CELF4: variants seen among roughly 807,000 people sequenced by gnomAD.
CELF4 encodes CUGBP Elav-like family member 4.
In CELF4, 18 loss-of-function variants were observed where a neutral mutation model predicts 59.9. That is an observed-to-expected ratio of 0.30 (90% confidence interval 0.21 to 0.45). CELF4 has a LOEUF of 0.45. Ranked by LOEUF, CELF4 falls within the 20% of genes least tolerant of loss-of-function variation. The pLI, the probability that CELF4 is intolerant of heterozygous loss-of-function variation, is 1.00. For synonymous variants in CELF4, 261 were observed against 267.1 expected (o/e 0.98, Z 0.22); for missense variants, 456 against 689.0 (o/e 0.66, Z 3.79).
chr18:37,547,972 T>A (rs933513840), intron 1 of CELF4, among the ~76,000 whole-genome samples: 1 of 152,042 alleles, frequency 6.6e-6, no homozygotes, highest in Non-Finnish European at 1.5e-5. Flanking sequence ...CATTTTTGAG[T>A]GTGTGTGTGT....
rs2061936815 is a variant in CELF4 at position 37,245,974 on chromosome 18, C to T, written c.*45-777G>A. ...TAATTATCAAACTTAAATAAATTAACTCAGACAGTGCTTGATTTTGTTTTG... is the reference window on the plus strand; with the variant it reads ...TAATTATCAAACTTAAATAAATTAATTCAGACAGTGCTTGATTTTGTTTTG... On this transcript the variant is annotated intron_variant, in intron 12 of 12. Transcript: ENST00000420428. This position sits in a 1 kb window ranked among gnomAD's most constrained non-coding sequence, Gnocchi z 4.1. Among the ~76,000 whole-genome samples the T allele has an allele frequency of 6.6e-6, 1 of 152,156 alleles. No individual in the cohort carries two copies.
chr18:37,554,693 T>C (rs1325945964), intron 1 of CELF4, among the ~76,000 whole-genome samples: 1 of 152,180 alleles, frequency 6.6e-6, no homozygotes, highest in East Asian at 1.9e-4. Flanking sequence ...ACTTCCTGAC[T>C]GCCCTCTTTC....
At chr18:37,517,271 C>T (rs932091795) in intron 1 of CELF4, among the ~76,000 whole-genome samples, 32 of 152,170 alleles carry the variant, frequency 2.1e-4, no homozygotes, top group African/African-American at 7.7e-4. Context: ...GGCTGGGGTA[C>T]AGGCAGATTC....
chr18:37,482,821 C>T (rs2099871847), intron 2 of CELF4, among the ~76,000 whole-genome samples: 1 of 152,204 alleles, frequency 6.6e-6, no homozygotes, highest in African/African-American at 2.4e-5. Flanking sequence ...CTAGAAACAG[C>T]ATAGACTGCC....
Position 37,552,773 on chromosome 18 carries a change from C to T in CELF4, c.286+12583G>A, listed in dbSNP as rs140184760. Among the ~76,000 whole-genome samples the T allele has an allele frequency of 8.5e-3, 1,294 of 152,340 alleles. 12 individuals are homozygous for T. Among genetic ancestry groups the T allele is most frequent in the Non-Finnish European group, 0.012 (837 of 68,026 alleles). ...TGCTGGCTCCAGCTGGATGGTTCAG[C>T]CTGCATGTTTGGCCCTTCCTGCCTG... On this transcript the variant is annotated intron_variant, in intron 1 of 12. Coordinates refer to ENST00000420428, the MANE Select transcript of CELF4 (RefSeq NM_020180.4).
At chr18:37,261,899 G>C (rs146087510) in intron 10 of CELF4, among the ~76,000 whole-genome samples, 6 of 152,206 alleles carry the variant, frequency 3.9e-5, no homozygotes, top group African/African-American at 1.4e-4. Context: ...ATTCCACATG[G>C]GGAGGGGACC....
chr18:37,303,189 G>A lies in CELF4; in HGVS notation c.448+18614C>T, dbSNP rs552617197. ...AGAGGCATGACAGAAGTGCAGCAGAGCCGTGGCCCCTGGGAGGCCCAGAGC... is the reference window on the plus strand; with the variant it reads ...AGAGGCATGACAGAAGTGCAGCAGAACCGTGGCCCCTGGGAGGCCCAGAGC... On this transcript the variant is annotated intron_variant, in intron 3 of 12. Coordinates refer to ENST00000420428, the MANE Select transcript of CELF4 (RefSeq NM_020180.4). Among the ~76,000 whole-genome samples, 7 of 152,216 alleles carry A rather than the reference G, an allele frequency of 4.6e-5. No homozygotes were observed. In the East Asian group the frequency reaches 1.4e-3, roughly 29 times the overall value.
Position 37,253,969 on chromosome 18 carries a change from T to G in CELF4, c.1334-31A>C, listed in dbSNP as rs749456713. 1 of 1,574,802 alleles carries G rather than the reference T, an allele frequency of 6.3e-7. No individual in the cohort carries two copies. On this transcript the variant is annotated intron_variant, in intron 11 of 12. Coordinates refer to ENST00000420428, the MANE Select transcript of CELF4 (RefSeq NM_020180.4). The surrounding 1 kb of genome is among the most constrained non-coding windows in gnomAD (Gnocchi z 4.5). ...GAGACACGAGGGACGAGGGCCTGGG[T>G]TTCCACGGGGCCGCCCGGGGCGCTG...
intron 1 of CELF4, among the ~76,000 whole-genome samples, chr18:37,530,447 C>G (rs1344352048): frequency 6.6e-6 from 1 of 152,094 alleles, no homozygotes; most frequent in Non-Finnish European, 1.5e-5. Context: ...CTCTGTGGCC[C>G]TAGGGGAGAA....
At chr18:37,293,159 T>G (rs975649739) in intron 3 of CELF4, among the ~76,000 whole-genome samples, 4 of 152,228 alleles carry the variant, frequency 2.6e-5, no homozygotes, top group Non-Finnish European at 5.9e-5. Context: ...GGGCACAGTC[T>G]TAGTTTCCCA....
chr18:37,253,741 C>G lies in CELF4; in HGVS notation c.*44+26G>C. The G allele has an allele frequency of 1.3e-6, 2 of 1,528,142 alleles. No individual in the cohort carries two copies. The highest frequency in any genetic ancestry group is 1.8e-6 in the Non-Finnish European group (2 of 1,132,184). 94.7% of individuals were successfully genotyped at this position (1,528,142 alleles called of 1,614,324 possible). A position where few individuals can be genotyped will look rare whatever the true frequency, so the allele number is the denominator to read the frequency against. ...GTCTGGTTCCCTCCCAACCCCCGTC[C>G]CCGCGCCCCGGCCGCCCCCGGTTAC... is the stretch of plus-strand genomic sequence containing the variant. On this transcript the variant is annotated intron_variant, in intron 12 of 12. Transcript: ENST00000420428. This position sits in a 1 kb window ranked among gnomAD's most constrained non-coding sequence, Gnocchi z 4.5.
intron 2 of CELF4, among the ~76,000 whole-genome samples, chr18:37,330,318 C>T (rs2097493184): frequency 1.3e-5 from 2 of 152,106 alleles, no homozygotes; most frequent in Admixed American, 6.5e-5. Flanking sequence ...GTCTTGGAGT[C>T]GCTGTGGGAG....
rs71168259 is a variant in CELF4, at chr18:37,444,652, A to ACACACACG, written c.369+40872_369+40873insCGTGTGTG. 4.9e-5 allele frequency among the ~76,000 whole-genome samples: 7 copies of ACACACACG among 144,184 alleles called. No individual in the cohort carries two copies. In the East Asian group the frequency reaches 6.4e-4, roughly 13 times the overall value. The allele number at this position is 144,184 out of a possible 152,430, so 94.6% of individuals were successfully genotyped here. A position where few individuals can be genotyped will look rare whatever the true frequency, so the allele number is the denominator to read the frequency against. On this transcript the variant is annotated intron_variant, in intron 2 of 12. Coordinates refer to ENST00000420428, the MANE Select transcript of CELF4 (RefSeq NM_020180.4). ...CACACACACACACACACACACACAC[A>ACACACACG]CGCGAACGATGCAGTTTCAGAGGAG...
At chr18:37,353,596 T>C (rs1187152678) in intron 2 of CELF4, among the ~76,000 whole-genome samples, 1 of 143,352 alleles carries the variant, frequency 7.0e-6, no homozygotes, top group Non-Finnish European at 1.5e-5. Flanking sequence ...ACTTGAAGAT[T>C]CCATGACAGT....
At chr18:37,314,473 G>T (rs542125935) in intron 3 of CELF4, among the ~76,000 whole-genome samples, 5 of 152,238 alleles carry the variant, frequency 3.3e-5, no homozygotes, top group Admixed American at 2.6e-4. Flanking sequence ...AAGACAGACA[G>T]AAAAAGAAAG....
intron 1 of CELF4, among the ~76,000 whole-genome samples, chr18:37,505,110 T>C (rs1022185799): frequency 6.6e-6 from 1 of 151,122 alleles, no homozygotes; most frequent in African/African-American, 2.5e-5. Flanking sequence ...AGGGGGCAAC[T>C]GTCCTATTAG....
intron 2 of CELF4, among the ~76,000 whole-genome samples, chr18:37,438,126 G>T (rs761853873): frequency 7.9e-5 from 12 of 152,204 alleles, no homozygotes; most frequent in Non-Finnish European, 1.0e-4. Context: ...AGAACTGTGA[G>T]AAATAATTGT....
chr18:37,387,866 C>T (rs2099115929), intron 2 of CELF4, among the ~76,000 whole-genome samples: 1 of 152,218 alleles, frequency 6.6e-6, no homozygotes, highest in Non-Finnish European at 1.5e-5. Flanking sequence ...GAGCCCCCTG[C>T]ACTCTCTCAT....
chr18:37,357,308 AG>A (rs1297005599), intron 2 of CELF4, among the ~76,000 whole-genome samples: 3 of 152,204 alleles, frequency 2.0e-5, no homozygotes, highest in Non-Finnish European at 2.9e-5. Flanking sequence ...TGGGGCTGAA[AG>A]GGGCCAGCGT....
Sources: gnomAD v4.1 joint callset for allele counts (sites outside exome capture counted in the v4.1 genomes callset) on GRCh38, gnomAD v4.1.1 for gene constraint, Gnocchi (gnomAD v3.1) non-coding constraint, MANE v1.5 for transcripts, NCBI Gene and HGNC (gene_info 2026-07-23, HGNC 2026-07-21) for gene names.